The following STK32A variants were observed in gnomAD, a reference collection of about 807,000 sequenced individuals.
The protein encoded by STK32A is serine/threonine kinase 32A, also known as serine/threonine-protein kinase 32A.
A neutral mutation model predicts 53.2 loss-of-function variants in STK32A; 41 were observed. The observed-to-expected ratio is 0.77, with a 90% CI of 0.60 to 1.00. The LOEUF (loss-of-function observed/expected upper bound fraction) is 1.00. STK32A is among the 50% of genes least tolerant of loss of function. The pLI is 0.00. For missense variants in STK32A, 458 were observed against 485.8 expected, an observed-to-expected ratio of 0.94 and a Z score of 0.54; for synonymous variants, 166 against 162.8, an observed-to-expected ratio of 1.02 and a Z score of -0.15.
rs1334864212 is a variant in STK32A at position 147,363,051 on chromosome 5, A to C, written c.660+1437A>C. Among the ~76,000 whole-genome samples, 4 of 152,110 alleles carry C rather than the reference A, an allele frequency of 2.6e-5. No individual in the cohort carries two copies. In the East Asian group the frequency reaches 7.8e-4, roughly 29 times the overall value. On this transcript the variant is annotated intron_variant, in intron 8 of 12. Coordinates refer to ENST00000397936, the MANE Select transcript of STK32A (RefSeq NM_001112724.2). ...TAGTGAGCCAAGATCATGCCACTGC[A>C]CTCCAGCCTGAGCTACAGAGTGAGA...
At position 147,384,464 on chromosome 5, in the gene STK32A, G is replaced by A. The variant is rs1309952075; in HGVS notation, c.*481G>A. 6.6e-7 allele frequency: 1 copy of A among 1,517,534 alleles called. No individual in the cohort carries two copies. Among genetic ancestry groups the A allele is most frequent in the African/African-American group, 1.4e-5 (1 of 72,496 alleles). The allele number at this position is 1,517,534 out of a possible 1,614,324, so 94.0% of individuals were successfully genotyped here. A position where few individuals can be genotyped will look rare whatever the true frequency, so the allele number is the denominator to read the frequency against. Reference sequence around the variant, plus strand: ...TGGTCAGAATGCCCCAGGCTACTTGGATAAAGATAAGGAATTCTATCAGGG... The same window carrying A: ...TGGTCAGAATGCCCCAGGCTACTTGAATAAAGATAAGGAATTCTATCAGGG... On this transcript the variant is annotated 3_prime_UTR_variant, in exon 13 of 13. Transcript: ENST00000397936.
At chr5:147,288,587 A>C (rs1308487671) in intron 4 of STK32A, among the ~76,000 whole-genome samples, 1 of 152,140 alleles carries the variant, frequency 6.6e-6, no homozygotes, top group Non-Finnish European at 1.5e-5. Flanking sequence ...GAAGGCAAAA[A>C]GGGGAGCAGG....
intron 6 of STK32A, among the ~76,000 whole-genome samples, chr5:147,348,349 A>C (rs961500360): frequency 2.6e-5 from 4 of 152,234 alleles, no homozygotes; most frequent in African/African-American, 9.6e-5. Context: ...CCCTCTTTTA[A>C]AAATGTAATC....
At chr5:147,241,251 G>A (rs1280841377) in intron 2 of STK32A, among the ~76,000 whole-genome samples, 1 of 152,182 alleles carries the variant, frequency 6.6e-6, no homozygotes, top group Non-Finnish European at 1.5e-5. Context: ...GGCCGAGGCG[G>A]GCGGATCACG....
chr5:147,355,759 T>C (rs1756199635), intron 7 of STK32A, among the ~76,000 whole-genome samples: 1 of 142,814 alleles, frequency 7.0e-6, no homozygotes. Flanking sequence ...TGTATGTGTA[T>C]ATATGTATAT....
rs183013452 is a variant in STK32A at position 147,247,052 on chromosome 5, A to G, written c.52+7366A>G. 3.5e-3 allele frequency among the ~76,000 whole-genome samples: 527 copies of G among 152,380 alleles called. 4 individuals carry two copies. The highest frequency in any genetic ancestry group is 0.012 in the African/African-American group (489 of 41,596). On this transcript the variant is annotated intron_variant, in intron 2 of 12. Transcript: ENST00000397936. ...TTTTATACTATCCAAAGCTATAGAC[A>G]TTTTTAATTTTCAACTTGCAACTAC...
At chr5:147,263,763 A>C (rs1029368623) in intron 2 of STK32A, among the ~76,000 whole-genome samples, 12 of 146,658 alleles carry the variant, frequency 8.2e-5, no homozygotes, top group Non-Finnish European at 1.6e-4. Context: ...TAGGTATAGA[A>C]AGAGAGAAAG....
intron 5 of STK32A, chr5:147,342,669 G>A (rs1301986889): frequency 3.7e-6 from 1 of 270,188 alleles, no homozygotes; most frequent in East Asian, 7.0e-5. Context: ...CAATGTAAAT[G>A]CTTTATATGA....
At chr5:147,280,330 G>C (rs1364281296) in intron 4 of STK32A, among the ~76,000 whole-genome samples, 1 of 151,348 alleles carries the variant, frequency 6.6e-6, no homozygotes, top group Non-Finnish European at 1.5e-5. Flanking sequence ...TTATTTCCCA[G>C]CTGGGAGCGG....
intron 4 of STK32A, among the ~76,000 whole-genome samples, chr5:147,323,645 G>A (rs1754428329): frequency 6.6e-6 from 1 of 152,158 alleles, no homozygotes; most frequent in Admixed American, 6.5e-5. Flanking sequence ...CTTACTGTAT[G>A]TCAAGCATGA....
chr5:147,304,372 T>C (rs1256530865), intron 4 of STK32A, among the ~76,000 whole-genome samples: 1 of 152,190 alleles, frequency 6.6e-6, no homozygotes, highest in East Asian at 1.9e-4. Context: ...AGATTCATTG[T>C]GAAAATCAGG....
chr5:147,366,661 A>T (rs1756761252), intron 8 of STK32A, among the ~76,000 whole-genome samples: 1 of 152,212 alleles, frequency 6.6e-6, no homozygotes, highest in Admixed American at 6.5e-5. Flanking sequence ...AAACCACGAA[A>T]ATGAAAGCAA....
intron 2 of STK32A, among the ~76,000 whole-genome samples, chr5:147,262,614 A>T (rs972569437): frequency 6.6e-6 from 1 of 150,942 alleles, no homozygotes; most frequent in African/African-American, 2.4e-5. Flanking sequence ...AAAAAAAAAC[A>T]AGACTTCTAG....
chr5:147,270,877 T>C (rs1479789320), intron 2 of STK32A, among the ~76,000 whole-genome samples: 2 of 152,250 alleles, frequency 1.3e-5, no homozygotes, highest in African/African-American at 4.8e-5. Flanking sequence ...CAGTTAATAA[T>C]ATCTGTAAAA....
At chr5:147,328,319 C>A (rs989940090) in intron 5 of STK32A, among the ~76,000 whole-genome samples, 1 of 152,186 alleles carries the variant, frequency 6.6e-6, no homozygotes, top group African/African-American at 2.4e-5. Flanking sequence ...ACCATAAGAT[C>A]TGTTTCCGCC....
intron 4 of STK32A, among the ~76,000 whole-genome samples, chr5:147,290,672 C>T (rs1752558889): frequency 6.6e-6 from 1 of 152,172 alleles, no homozygotes; most frequent in South Asian, 2.1e-4. Context: ...GACACCAGAT[C>T]ATCTGTTTTA....
intron 4 of STK32A, among the ~76,000 whole-genome samples, chr5:147,286,595 A>T (rs962882826): frequency 6.6e-6 from 1 of 151,978 alleles, no homozygotes; most frequent in Non-Finnish European, 1.5e-5. Flanking sequence ...ACCCTTTATT[A>T]TTCTTGTCTC....
chr5:147,344,611 T>TG (rs869308719), intron 6 of STK32A, among the ~76,000 whole-genome samples: 1 of 152,156 alleles, frequency 6.6e-6, no homozygotes, highest in Non-Finnish European at 1.5e-5. Flanking sequence ...TGTTTCTTGT[T>TG]GGGGGAAAAA....
At chr5:147,397,693 G>C in the STK32A span, 9 of 1,614,134 alleles carry the variant, frequency 5.6e-6, no homozygotes, top group Non-Finnish European at 6.8e-6. Context: ...TGCGCTTGTA[G>C]ACATAGTCGG....
Sources: allele counts gnomAD v4.1 joint callset (sites outside exome capture counted in the v4.1 genomes callset), GRCh38; gene constraint gnomAD v4.1.1; transcripts MANE v1.5; gene names NCBI Gene and HGNC (gene_info 2026-07-23, HGNC 2026-07-21).